RNF31: variants seen among roughly 807,000 people sequenced by gnomAD.
The protein encoded by RNF31 is ring finger protein 31.
Under a neutral mutation model 133.6 loss-of-function variants are expected in RNF31, and 38 were observed. That is an observed-to-expected ratio of 0.28 (90% CI 0.22 to 0.37). RNF31 has a LOEUF of 0.37. Among genes scored for constraint, RNF31 ranks in the 10% least tolerant of loss-of-function variants. RNF31 has a pLI of 1.00. For synonymous variants in RNF31, 582 were observed against 552.3 expected, an observed-to-expected ratio of 1.05 and a Z score of -0.75; for missense variants, 1,118 against 1,394.1, an observed-to-expected ratio of 0.80 and a Z score of 3.15.
intron 11 of RNF31, among the ~76,000 whole-genome samples, chr14:24,153,913 T>A (rs1469189997): frequency 2.0e-5 from 3 of 152,004 alleles, no homozygotes; most frequent in East Asian, 3.9e-4. Flanking sequence ...CAAAATAAAT[T>A]AAATAAATAA....
At position 24,160,188 on chromosome 14, in the gene RNF31, T is replaced by C; in HGVS notation, c.2997-51T>C. 6.4e-7 allele frequency: 1 copy of C among 1,570,972 alleles called. No homozygotes were observed. Among genetic ancestry groups the C allele is most frequent in the Non-Finnish European group, 8.6e-7 (1 of 1,156,352 alleles). On this transcript the variant is annotated intron_variant, in intron 19 of 20. Transcript: ENST00000324103. This position sits in a 1 kb window ranked among gnomAD's most constrained non-coding sequence, Gnocchi z 4.0. ...CAGAGTCCAGCTATGTTAGACACAC[T>C]CAGTTAATATTAGCCAACACAACAA...
At position 24,155,001 on chromosome 14, in the gene RNF31, C is replaced by T. The variant is rs147686811; in HGVS notation, c.2131-156C>T. ...CCACCCGACTGTCTTCAGATGTTTA[C>T]GTTGCCTGCCTGGCCCCTGCTGGCA... On this transcript the variant is annotated intron_variant, in intron 11 of 20. Coordinates refer to ENST00000324103, the MANE Select transcript of RNF31 (RefSeq NM_017999.5). This position sits in a 1 kb window ranked among gnomAD's most constrained non-coding sequence, Gnocchi z 4.9. 19 of 664,556 alleles carry T rather than the reference C, an allele frequency of 2.9e-5. No homozygotes were observed. The highest frequency in any genetic ancestry group is 2.5e-4 in the African/African-American group (14 of 55,434). The allele number at this position is 664,556 out of a possible 1,614,324, so 41.2% of individuals were successfully genotyped here. A position where few individuals can be genotyped will look rare whatever the true frequency, so the allele number is the denominator to read the frequency against.
Position 24,151,473 on chromosome 14 carries a change from C to T in RNF31, c.1738-12C>T. The T allele has an allele frequency of 2.5e-6, 4 of 1,613,932 alleles. No individual in the cohort carries two copies. The South Asian group carries it at 4.4e-5, about 18-fold the overall frequency. On this transcript the variant is annotated splice_polypyrimidine_tract_variant and intron_variant, in intron 9 of 20. Coordinates refer to ENST00000324103, the MANE Select transcript of RNF31 (RefSeq NM_017999.5). The surrounding 1 kb of genome is among the most constrained non-coding windows in gnomAD (Gnocchi z 5.3). ...TCCCACTTCATTCCCCCTTGCCACT[C>T]CCATCTTGCAGGTGCAGGAGCTCCA...
rs1339818195 is a variant in RNF31 at position 24,151,311 on chromosome 14, G to T, written c.1669G>T (p.Ala557Ser). 25 of 1,614,130 alleles carry T rather than the reference G, an allele frequency of 1.5e-5. No individual in the cohort carries two copies. Among genetic ancestry groups the T allele is most frequent in the Non-Finnish European group, 2.0e-5 (24 of 1,180,060 alleles). The change falls in exon 9 of 21, where the codon GCC becomes TCC. Residue 557 changes from alanine (A) to serine (S), a missense_variant. Ala to Ser is a moderately conservative substitution (Grantham distance 99, BLOSUM62 1). Around this residue, in one of 3 missense-constraint regions of RNF31, gnomAD observed 747 missense variants for 827.9 expected, o/e 0.90. Transcript: ENST00000324103. The surrounding 1 kb of genome is among the most constrained non-coding windows in gnomAD (Gnocchi z 5.3). ...GAFSCQEARR[A>S]WLDRHGNLDE... ...CTTTTCCTGTCAGGAGGCCCGGAGA[G>T]CCTGGCTGGATCGTCATGGCAACCT...
chr14:24,157,279 C>G lies in RNF31; in HGVS notation c.2494-11C>G, dbSNP rs763753786. ...AGAGCTCCCATGTGAAGCCTACTTT[C>G]CCTCTGGCAGTGGGAGGAGCAGCAC... is the stretch of plus-strand genomic sequence containing the variant. On this transcript the variant is annotated splice_polypyrimidine_tract_variant and intron_variant, in intron 14 of 20. Transcript: ENST00000324103. 1 of 1,589,880 alleles carries G rather than the reference C, an allele frequency of 6.3e-7. No individual in the cohort carries two copies. The highest frequency in any genetic ancestry group is 8.6e-7 in the Non-Finnish European group (1 of 1,164,032).
Position 24,157,673 on chromosome 14 carries a change from T to TG in RNF31, c.2727+41dup, listed in dbSNP as rs35678583. 7.0e-6 allele frequency: 11 copies of TG among 1,574,806 alleles called. No homozygotes were observed. The South Asian group carries it at 1.2e-4, about 17-fold the overall frequency. ...GAGAGTTGGGGAAGGGGTGGAAGGG[T>TG]GGGGGGTGCCATTGGCTTTGAGAGT... On this transcript the variant is annotated intron_variant, in intron 16 of 20. Transcript: ENST00000324103.
chr14:24,157,111 A>G (rs2038351748), intron 14 of RNF31, among the ~76,000 whole-genome samples, 179 bp from the exon 15 acceptor site: 1 of 152,180 alleles, frequency 6.6e-6, no homozygotes, highest in Non-Finnish European at 1.5e-5. Flanking sequence ...AAGTAGTGTG[A>G]GGTGGTAGGA....
Position 24,160,520 on chromosome 14 carries a change from A to G in RNF31, c.3166A>G (p.Lys1056Glu). The change falls in exon 21 of 21, where the codon AAG (lysine) becomes GAG (glutamate). Residue 1056 changes from lysine (K) to glutamate (E), a missense_variant and splice_region_variant. Physicochemically the swap from Lys to Glu is moderately conservative, Grantham distance 56. Transcript: ENST00000324103. This position sits in a 1 kb window ranked among gnomAD's most constrained non-coding sequence, Gnocchi z 4.0. ...PPAYQARLLQKLTEEVPLGQS... is the reference protein window; with the variant it reads ...PPAYQARLLQELTEEVPLGQS... Reference sequence around the variant, plus strand: ...CATTACCTTCTCTCTCCTTCTGCAGAAGCTGACAGAAGAGGTACCCTTGGG... The same window carrying G: ...CATTACCTTCTCTCTCCTTCTGCAGGAGCTGACAGAAGAGGTACCCTTGGG... 1 of 1,553,058 alleles carries G rather than the reference A, an allele frequency of 6.4e-7. No individual in the cohort carries two copies. The highest frequency in any genetic ancestry group is 8.7e-7 in the Non-Finnish European group (1 of 1,146,020).
In RNF31 at chr14:24,150,813, T is replaced by A. The variant is rs959742130; in HGVS notation, c.1413T>A (p.Ser471Arg). ...GACGCCTTAGTGCCCCCCTGCCCAGTTCCTGTGGAGATCCTGAGAAGCAGC... is the reference window on the plus strand; with the variant it reads ...GACGCCTTAGTGCCCCCCTGCCCAGATCCTGTGGAGATCCTGAGAAGCAGC... ...PPRRLSAPLP[S>R]SCGDPEKQRQ... Residue 471 changes from serine to arginine, a missense_variant, in exon 8 of 21, where the codon AGT (serine) becomes AGA (arginine). Around this residue, in one of 3 missense-constraint regions of RNF31, gnomAD observed 747 missense variants for 827.9 expected, o/e 0.90. Transcript: ENST00000324103. 1 of 1,596,110 alleles carries A rather than the reference T, an allele frequency of 6.3e-7. No homozygotes were observed. Among genetic ancestry groups the A allele is most frequent in the African/African-American group, 1.4e-5 (1 of 73,866 alleles).
chr14:24,158,922 A>G (rs1030800697), intron 18 of RNF31, among the ~76,000 whole-genome samples: 7 of 150,192 alleles, frequency 4.7e-5, no homozygotes, highest in Non-Finnish European at 8.8e-5. Flanking sequence ...AGTCCCAGCT[A>G]CTCGGGAGGC....
rs564151269 is a variant in RNF31 at position 24,159,865 on chromosome 14, C to T, written c.2901C>T (p.Gly967=). The T allele has an allele frequency of 2.2e-5, 36 of 1,613,326 alleles. No homozygotes were observed. The highest frequency in any genetic ancestry group is 6.7e-5 in the East Asian group (3 of 44,882). ...GCTCCCTTCTTCCCTCACCTTTAGG[C>T]GGCTGCCGAGTGATAGAGCAGAAGG... ...PPAGARAVPG[G]GCRVIEQKEV... Residue 967 remains glycine, a splice_region_variant and synonymous_variant, in exon 19 of 21, where the codon GGC becomes GGT. Coordinates refer to ENST00000324103, the MANE Select transcript of RNF31 (RefSeq NM_017999.5).
intron 18 of RNF31, 31 bp from the exon 19 acceptor site, chr14:24,159,833 A>G: frequency 6.3e-7 from 1 of 1,584,042 alleles, no homozygotes; most frequent in Non-Finnish European, 8.7e-7. Context: ...TTGGCCTCCC[A>G]ACAGAGGCTC....
intron 18 of RNF31, chr14:24,158,475 A>G (rs1425069139): frequency 5.9e-6 from 3 of 511,792 alleles, no homozygotes; most frequent in Non-Finnish European, 7.0e-6. Flanking sequence ...TAATTAATTA[A>G]TTAGTTCAAT....
chr14:24,149,256 C>CTAAGATTA, intron 5 of RNF31, 150 bp from the exon 6 acceptor site: 1 of 824,222 alleles, frequency 1.2e-6, no homozygotes, highest in South Asian at 1.8e-5. Context: ...AGCCACCACG[C>CTAAGATTA]CCGGCCTCTT....
At position 24,150,166 on chromosome 14, in the gene RNF31, C is replaced by T. The variant is rs755904298; in HGVS notation, c.915C>T (p.His305=). 1 of 1,614,136 alleles carries T rather than the reference C, an allele frequency of 6.2e-7. No individual in the cohort carries two copies. Among genetic ancestry groups the T allele is most frequent in the East Asian group, 2.2e-5 (1 of 44,878 alleles). Residue 305 remains histidine, a synonymous_variant, in exon 7 of 21, where the codon CAC becomes CAT. Coordinates refer to ENST00000324103, the MANE Select transcript of RNF31 (RefSeq NM_017999.5). ...PNPASAHLPW[H]CAACAMLNEP... ...CTGCAAGTGCTCATTTGCCCTGGCA[C>T]TGTGCTGCCTGTGCCATGCTAAATG...
upstream of RNF31, chr14:24,147,220 A>AG (rs2038179266): frequency 1.3e-5 from 2 of 159,240 alleles, no homozygotes; most frequent in Admixed American, 1.3e-4. Context: ...GGACTGGTCC[A>AG]GCTAGAAAAA....
intron 19 of RNF31, 33 bp downstream of exon 19, chr14:24,159,993 G>A (rs2038420717): frequency 1.3e-6 from 2 of 1,596,832 alleles, no homozygotes; most frequent in South Asian, 1.1e-5. Context: ...CATGGTGTTG[G>A]GCAGTGGGTA....
In RNF31 at chr14:24,147,554, C is replaced by T; in HGVS notation, c.-145C>T. On this transcript the variant is annotated 5_prime_UTR_variant, in exon 1 of 21. Coordinates refer to ENST00000324103, the MANE Select transcript of RNF31 (RefSeq NM_017999.5). The stretch of plus-strand genomic sequence containing the variant: ...GCTGGGCCGGGGGCTGGAGAGTGAC[C>T]GTGGTCTGAGTGACCTGGGGCGGCT... The T allele has an allele frequency of 1.6e-6, 1 of 616,992 alleles. No individual in the cohort carries two copies. Among genetic ancestry groups the T allele is most frequent in the Non-Finnish European group, 2.5e-6 (1 of 402,974 alleles). 38.2% of individuals were successfully genotyped at this position (616,992 alleles called of 1,614,324 possible).
Position 24,151,614 on chromosome 14 carries a change from C to G in RNF31, c.1867C>G (p.Arg623Gly). 6.2e-7 allele frequency: 1 copy of G among 1,613,554 alleles called. No homozygotes were observed. Among genetic ancestry groups the G allele is most frequent in the South Asian group, 1.1e-5 (1 of 91,082 alleles). The change falls in exon 10 of 21, where the codon CGC becomes GGC. Residue 623 changes from arginine to glycine, a missense_variant. Transcript: ENST00000324103. The surrounding 1 kb of genome is among the most constrained non-coding windows in gnomAD (Gnocchi z 5.3). ...QRQRLEPFRQRLWDSGPEPTP... is the reference protein window; with the variant it reads ...QRQRLEPFRQGLWDSGPEPTP... The stretch of plus-strand genomic sequence containing the variant: ...CCAACGCCTAGAGCCCTTCCGCCAG[C>G]GCCTCTGGGACAGTGGCCCTGAGCC...
Sources: gnomAD v4.1 joint callset for allele counts (sites outside exome capture counted in the v4.1 genomes callset) on GRCh38, gnomAD v4.1.1 for gene constraint, gnomAD v4.1.1 regional missense constraint, Gnocchi (gnomAD v3.1) non-coding constraint, MANE v1.5 for transcripts, NCBI Gene and HGNC (gene_info 2026-07-23, HGNC 2026-07-21) for gene names.